The following CFAP52 variants were observed in gnomAD, a reference collection of about 807,000 sequenced individuals.
CFAP52 encodes cilia and flagella associated protein 52, also known as cilia- and flagella-associated protein 52.
CFAP52 carries 57 observed loss-of-function variants against 70.5 expected under a neutral mutation model. The observed-to-expected ratio is 0.81, with a 90% CI of 0.65 to 1.01. CFAP52 has a LOEUF of 1.01. CFAP52 is among the 50% of genes least tolerant of loss of function. The pLI is 0.00. For missense variants in CFAP52, 785 were observed against 788.5 expected, an observed-to-expected ratio of 1.00 and a Z score of 0.05; for synonymous variants, 267 against 292.5, an observed-to-expected ratio of 0.91 and a Z score of 0.89.
chr17:9,605,618 C>A (rs886972052), intron 6 of CFAP52, among the ~76,000 whole-genome samples: 3 of 141,710 alleles, frequency 2.1e-5, no homozygotes, highest in African/African-American at 7.8e-5. Context: ...ATTGCTTCAA[C>A]TCAGGAGGTG....
chr17:9,610,711 G>A (rs569714875), intron 7 of CFAP52, among the ~76,000 whole-genome samples: 1 of 151,770 alleles, frequency 6.6e-6, no homozygotes, highest in South Asian at 2.1e-4. Context: ...ATTTTTTTTT[G>A]TATTTTTAGT....
At chr17:9,581,676 T>G (rs1366204986) in intron 1 of CFAP52, among the ~76,000 whole-genome samples, 1 of 152,182 alleles carries the variant, frequency 6.6e-6, no homozygotes, top group African/African-American at 2.4e-5. Flanking sequence ...TGCGTAGTTT[T>G]GGTTACTCAT....
chr17:9,639,417 C>G lies in CFAP52; in HGVS notation c.1575+706C>G, dbSNP rs982545918. Among the ~76,000 whole-genome samples the G allele has an allele frequency of 1.3e-4, 19 of 150,024 alleles. 1 individual carries two copies. The highest frequency in any genetic ancestry group is 1.1e-3 in the Admixed American group (16 of 15,006). On this transcript the variant is annotated intron_variant, in intron 12 of 13. Transcript: ENST00000352665. ...CTGCACTCCAGTCTGGGTGACAGAG[C>G]AAGACTCTCTCTTAAAAAAAAAAAA...
chr17:9,638,762 G>C (rs370833922), intron 12 of CFAP52, 51 bp downstream of exon 12: 1 of 1,579,686 alleles, frequency 6.3e-7, no homozygotes, highest in African/African-American at 1.3e-5. Context: ...GAGAAAAGCA[G>C]TGAGGCGTTG....
At chr17:9,604,636 T>C (rs1909405829) in intron 6 of CFAP52, among the ~76,000 whole-genome samples, 1 of 151,718 alleles carries the variant, frequency 6.6e-6, no homozygotes, top group South Asian at 2.1e-4. Flanking sequence ...AGTGTGGTGG[T>C]GTGAGCCTGT....
chr17:9,579,760 G>A (rs999900162), intron 1 of CFAP52, among the ~76,000 whole-genome samples: 1 of 152,152 alleles, frequency 6.6e-6, no homozygotes, highest in Non-Finnish European at 1.5e-5. Flanking sequence ...TAGACACGGT[G>A]TTTCGCCACG....
chr17:9,586,953 G>C lies in CFAP52; in HGVS notation c.407+119G>C, dbSNP rs1908521497. The C allele has an allele frequency of 2.4e-6, 3 of 1,242,354 alleles. No homozygotes were observed. The African/African-American group carries it at 4.6e-5, about 19-fold the overall frequency. The allele number at this position is 1,242,354 out of a possible 1,614,324, so 77.0% of individuals were successfully genotyped here. A position where few individuals can be genotyped will look rare whatever the true frequency, so the allele number is the denominator to read the frequency against. On this transcript the variant is annotated intron_variant, in intron 3 of 13. Transcript: ENST00000352665. ...ACTTATGTCACGGGTTTGTTGTACA[G>C]ATTATTTCATCAACCAGGTGCTCAG...
At chr17:9,629,964 A>C (rs1242555509) in intron 9 of CFAP52, among the ~76,000 whole-genome samples, 1 of 151,740 alleles carries the variant, frequency 6.6e-6, no homozygotes, top group Non-Finnish European at 1.5e-5. Context: ...TGTCTTCTCC[A>C]CATAGGGCTG....
Position 9,610,511 on chromosome 17 carries a change from C to T in CFAP52, c.855-1798C>T, listed in dbSNP as rs564415371. On this transcript the variant is annotated intron_variant, in intron 7 of 13. Transcript: ENST00000352665. ...ATGATCAAAATGGACAGCTCCAGTG[C>T]CAAGATCTTTCCTTTCCCCATTTTT... Among the ~76,000 whole-genome samples the T allele has an allele frequency of 5.3e-5, 8 of 151,404 alleles. No individual in the cohort carries two copies. The East Asian group carries it at 1.6e-3, about 30-fold the overall frequency.
chr17:9,622,441 A>C (rs1485990327), intron 8 of CFAP52, among the ~76,000 whole-genome samples: 2 of 152,034 alleles, frequency 1.3e-5, no homozygotes, highest in African/African-American at 4.8e-5. Flanking sequence ...CTCTAGTCCC[A>C]GCTACTCGGG....
intron 9 of CFAP52, among the ~76,000 whole-genome samples, chr17:9,631,675 G>C (rs1464487911): frequency 6.6e-6 from 1 of 152,138 alleles, no homozygotes; most frequent in Non-Finnish European, 1.5e-5. Context: ...GATGGCGGGG[G>C]TTGGGGGTCG....
intron 2 of CFAP52, 79 bp downstream of exon 2, chr17:9,586,051 A>T (rs762332370): frequency 7.0e-7 from 1 of 1,437,482 alleles, no homozygotes; most frequent in Non-Finnish European, 9.6e-7. Flanking sequence ...TCAAGTTGTT[A>T]GTTCTATGTG....
intron 8 of CFAP52, among the ~76,000 whole-genome samples, chr17:9,615,322 C>T (rs1441663927): frequency 1.3e-5 from 2 of 152,142 alleles, no homozygotes; most frequent in Non-Finnish European, 2.9e-5. Flanking sequence ...TGCATATGAG[C>T]TAATATTCAT....
intron 7 of CFAP52, 115 bp from the exon 8 acceptor site, chr17:9,612,194 G>A (rs1288803392): frequency 3.7e-6 from 5 of 1,338,528 alleles, no homozygotes; most frequent in Non-Finnish European, 5.1e-6. Flanking sequence ...TGTCACTTCT[G>A]TGAGGGCGTG....
At chr17:9,631,871 G>A (rs1322722879) in intron 9 of CFAP52, among the ~76,000 whole-genome samples, 9 of 151,478 alleles carry the variant, frequency 5.9e-5, no homozygotes, top group Admixed American at 1.3e-4. Flanking sequence ...GGGTTCAAGC[G>A]ATTCTCCTGC....
At chr17:9,584,416 C>A in intron 1 of CFAP52, 6 of 1,254,960 alleles carry the variant, frequency 4.8e-6, no homozygotes, top group Non-Finnish European at 5.1e-6. Flanking sequence ...AATTATTTTC[C>A]TGGTTATATT....
rs1910839615 is a variant in CFAP52 at position 9,637,029 on chromosome 17, A to G, written c.1472+1473A>G. 3.3e-5 allele frequency among the ~76,000 whole-genome samples: 5 copies of G among 152,270 alleles called. No homozygotes were observed. The East Asian group carries it at 7.7e-4, about 24-fold the overall frequency. On this transcript the variant is annotated intron_variant, in intron 11 of 13. Coordinates refer to ENST00000352665, the MANE Select transcript of CFAP52 (RefSeq NM_145054.5). ...CACTGCACTCCAGCCTGGGCCACAG[A>G]GTGAGACTTCGTATCAAAAAAGCAA...
chr17:9,632,388 T>C (rs972670729), intron 9 of CFAP52, among the ~76,000 whole-genome samples: 1 of 150,142 alleles, frequency 6.7e-6, no homozygotes, highest in Admixed American at 6.7e-5. Flanking sequence ...GATATAAGCC[T>C]TTTTTTTTAA....
intron 6 of CFAP52, among the ~76,000 whole-genome samples, chr17:9,605,585 A>G (rs1909451422): frequency 6.7e-6 from 1 of 150,178 alleles, no homozygotes; most frequent in Non-Finnish European, 1.5e-5. Flanking sequence ...AGTTCCAGCT[A>G]CTCGGGAGGC....
Sources: gnomAD v4.1 joint callset for allele counts (sites outside exome capture counted in the v4.1 genomes callset) on GRCh38, gnomAD v4.1.1 for gene constraint, MANE v1.5 for transcripts, NCBI Gene and HGNC (gene_info 2026-07-23, HGNC 2026-07-21) for gene names.